The following CACNB2 variants were observed in gnomAD, a reference collection of about 807,000 sequenced individuals.
CACNB2 encodes the protein calcium voltage-gated channel auxiliary subunit beta 2.
CACNB2 carries 42 observed loss-of-function variants against 73.3 expected under a neutral mutation model. That is an observed-to-expected ratio of 0.57 (90% confidence interval 0.45 to 0.74). The LOEUF (loss-of-function observed/expected upper bound fraction) is 0.74. CACNB2 is among the 30% of genes least tolerant of loss of function. The pLI is 0.00. For missense variants in CACNB2, 940 were observed against 853.0 expected, an observed-to-expected ratio of 1.10 and a Z score of -1.27; for synonymous variants, 348 against 310.3, an observed-to-expected ratio of 1.12 and a Z score of -1.28.
chr10:18,309,190 A>C (rs1224993773), intron 2 of CACNB2, among the ~76,000 whole-genome samples: 1 of 152,170 alleles, frequency 6.6e-6, no homozygotes, highest in Non-Finnish European at 1.5e-5. Context: ...TATTTTTTAT[A>C]TGTTTAAAGG....
At chr10:18,286,466 C>T (rs544552408) in intron 2 of CACNB2, among the ~76,000 whole-genome samples, 6 of 133,678 alleles carry the variant, frequency 4.5e-5, no homozygotes, top group Non-Finnish European at 6.1e-5. Flanking sequence ...TGCAGCAAGC[C>T]GAGATAGCGC....
At chr10:18,151,681 G>A (rs1253065820) in intron 2 of CACNB2, among the ~76,000 whole-genome samples, 2 of 152,174 alleles carry the variant, frequency 1.3e-5, no homozygotes, top group Non-Finnish European at 2.9e-5. Flanking sequence ...TGTTGAGAAT[G>A]AAGTCTCATC....
chr10:18,409,375 T>C (rs925552986), intron 3 of CACNB2, among the ~76,000 whole-genome samples: 6 of 151,812 alleles, frequency 4.0e-5, no homozygotes, highest in African/African-American at 1.5e-4. Context: ...TGGGCTCAAG[T>C]AATCCTCCTG....
intron 2 of CACNB2, among the ~76,000 whole-genome samples, chr10:18,207,903 T>A (rs1042244496): frequency 6.6e-6 from 1 of 152,204 alleles, no homozygotes; most frequent in African/African-American, 2.4e-5. Flanking sequence ...GAGTTATCAT[T>A]GTACCAGCAA....
chr10:18,493,357 G>A (rs937870625), intron 3 of CACNB2, among the ~76,000 whole-genome samples: 2 of 152,082 alleles, frequency 1.3e-5, no homozygotes, highest in Non-Finnish European at 2.9e-5. Flanking sequence ...TAGTAGAGAC[G>A]TGGTTTCTCC....
intron 2 of CACNB2, among the ~76,000 whole-genome samples, chr10:18,200,649 C>G (rs928893793): frequency 2.0e-5 from 3 of 151,922 alleles, no homozygotes; most frequent in African/African-American, 7.2e-5. Flanking sequence ...ACCTTTTTCC[C>G]CGCGGTAGAA....
In CACNB2 at chr10:18,491,819, TA is replaced by T. The variant is rs68179779; in HGVS notation, c.334-6508del. Among the ~76,000 whole-genome samples, 41 of 65,574 alleles carry T rather than the reference TA, an allele frequency of 6.3e-4. 1 individual carries two copies. Among genetic ancestry groups the T allele is most frequent in the Middle Eastern group, 0.012 (1 of 86 alleles). The allele number at this position is 65,574 out of a possible 152,430, so 43.0% of individuals were successfully genotyped here. A position where few individuals can be genotyped will look rare whatever the true frequency, so the allele number is the denominator to read the frequency against. ...TATTCCCTTGGAACTTCAAGTTGGT[TA>T]AAAAAAAAAAAAAAAAAAAAAAAAA... On this transcript the variant is annotated intron_variant, in intron 3 of 13. Transcript: ENST00000324631.
chr10:18,229,015 T>C (rs2131437492), intron 2 of CACNB2, among the ~76,000 whole-genome samples: 1 of 152,308 alleles, frequency 6.6e-6, no homozygotes, highest in Non-Finnish European at 1.5e-5. Context: ...GTGGTGGGAT[T>C]ACAGGCATGA....
chr10:18,151,536 G>A (rs1333856222), intron 2 of CACNB2, among the ~76,000 whole-genome samples: 1 of 152,116 alleles, frequency 6.6e-6, no homozygotes, highest in Non-Finnish European at 1.5e-5. Context: ...CTGCCAAGCA[G>A]CCTGGAACAG....
chr10:18,216,550 ACT>A (rs1224619549), intron 2 of CACNB2, among the ~76,000 whole-genome samples: 2 of 151,784 alleles, frequency 1.3e-5, no homozygotes, highest in East Asian at 1.9e-4. Context: ...CTCTAGAATG[ACT>A]CTATTTCGGT....
intron 6 of CACNB2, among the ~76,000 whole-genome samples, chr10:18,513,895 A>G (rs1439396778): frequency 2.0e-5 from 3 of 152,236 alleles, no homozygotes; most frequent in Admixed American, 6.5e-5. Context: ...TAATGAAGTC[A>G]AATGTTCTGT....
rs115696326 is a variant in CACNB2 at position 18,274,559 on chromosome 10, C to T, written c.213+123584C>T. Among the ~76,000 whole-genome samples, 196 of 152,230 alleles carry T rather than the reference C, an allele frequency of 1.3e-3. 1 individual carries two copies. The highest frequency in any genetic ancestry group is 3.5e-3 in the African/African-American group (144 of 41,528). On this transcript the variant is annotated intron_variant, in intron 2 of 13. Coordinates refer to ENST00000324631, the MANE Select transcript of CACNB2 (RefSeq NM_201596.3). ...AGAGGGTCAGAACTTCTCTATGTCA[C>T]GACCTCTCTTCCTTCAGGGTTGTAC...
chr10:18,320,130 A>G (rs971847802), intron 2 of CACNB2, among the ~76,000 whole-genome samples: 4 of 152,116 alleles, frequency 2.6e-5, no homozygotes, highest in African/African-American at 7.2e-5. Context: ...CAGCTCCTCC[A>G]TAAACTGATA....
Position 18,155,662 on chromosome 10 carries a change from A to C in CACNB2, c.213+4687A>C, listed in dbSNP as rs751678243. ...TTCCAAGATGGTTGTACCAGTTTGC[A>C]CTCCCACAAGCAGTGGGTGATGGTT... On this transcript the variant is annotated intron_variant, in intron 2 of 13. Transcript: ENST00000324631. Among the ~76,000 whole-genome samples, 35 of 152,200 alleles carry C rather than the reference A, an allele frequency of 2.3e-4. No individual in the cohort carries two copies. The Middle Eastern group carries it at 0.014, about 59-fold the overall frequency.
chr10:18,245,354 C>T (rs11013147), intron 2 of CACNB2, among the ~76,000 whole-genome samples: 2,904 of 152,152 alleles, frequency 0.019, 53 homozygotes, highest in East Asian at 0.11. Flanking sequence ...GGTCTCACTC[C>T]GTTGCACAGG....
At chr10:18,389,886 G>C (rs2043389376) in intron 2 of CACNB2, among the ~76,000 whole-genome samples, 2 of 152,056 alleles carry the variant, frequency 1.3e-5, no homozygotes, top group Admixed American at 1.3e-4. Flanking sequence ...GATGCTTATG[G>C]CTAATTGATT....
intron 2 of CACNB2, among the ~76,000 whole-genome samples, chr10:18,361,204 C>T (rs2042123183): frequency 6.6e-6 from 1 of 151,858 alleles, no homozygotes. Flanking sequence ...ATGTAGCCAT[C>T]CTAAAGTAGA....
chr10:18,326,063 C>T (rs1285196020), intron 2 of CACNB2, among the ~76,000 whole-genome samples: 1 of 151,788 alleles, frequency 6.6e-6, no homozygotes, highest in African/African-American at 2.4e-5. Context: ...CATGTTGATT[C>T]CTACGGTGTT....
chr10:18,172,606 C>G (rs2033321372), intron 2 of CACNB2, among the ~76,000 whole-genome samples: 1 of 152,136 alleles, frequency 6.6e-6, no homozygotes, highest in South Asian at 2.1e-4. Context: ...AAACCCTTGT[C>G]CTGTGCCCAT....
Sources: allele counts gnomAD v4.1 joint callset (sites outside exome capture counted in the v4.1 genomes callset), GRCh38; gene constraint gnomAD v4.1.1; transcripts MANE v1.5; gene names NCBI Gene and HGNC (gene_info 2026-07-23, HGNC 2026-07-21).